DENND4C: variants seen among roughly 807,000 people sequenced by gnomAD.
DENND4C encodes DENN domain-containing protein 4C.
DENND4C carries 108 observed loss-of-function variants against 203.0 expected under a neutral mutation model. The observed-to-expected ratio is 0.53, with a 90% CI of 0.46 to 0.62. The LOEUF (loss-of-function observed/expected upper bound fraction) is 0.62. Among genes scored for constraint, DENND4C ranks in the 20% least tolerant of loss-of-function variants. The pLI is 0.00. For synonymous variants in DENND4C, 871 were observed against 792.4 expected, an observed-to-expected ratio of 1.10 and a Z score of -1.67; for missense variants, 2,481 against 2,301.2, an observed-to-expected ratio of 1.08 and a Z score of -1.60.
intron 9 of DENND4C, among the ~76,000 whole-genome samples, chr9:19,303,239 A>G (rs1274146270): frequency 2.6e-5 from 4 of 151,932 alleles, no homozygotes; most frequent in African/African-American, 9.7e-5. Context: ...AGCACTTTGG[A>G]TTTTGGATTT....
chr9:19,334,207 G>C (rs1469232602), intron 17 of DENND4C, among the ~76,000 whole-genome samples: 2 of 152,058 alleles, frequency 1.3e-5, no homozygotes, highest in African/African-American at 4.8e-5. Context: ...CACCACGCCT[G>C]GCTAATTTTT....
chr9:19,314,173 G>C (rs1841304761), intron 10 of DENND4C, among the ~76,000 whole-genome samples: 1 of 152,094 alleles, frequency 6.6e-6, no homozygotes, highest in Non-Finnish European at 1.5e-5. Flanking sequence ...CTACACATGA[G>C]GCCAGGCGCA....
chr9:19,296,772 T>C (rs1040044143), intron 6 of DENND4C, among the ~76,000 whole-genome samples: 2 of 152,232 alleles, frequency 1.3e-5, no homozygotes, highest in African/African-American at 2.4e-5. Flanking sequence ...ATAAATTATA[T>C]TGTGAGTGTT....
At chr9:19,237,261 C>T (rs534638721) in intron 1 of DENND4C, among the ~76,000 whole-genome samples, 10 of 152,236 alleles carry the variant, frequency 6.6e-5, no homozygotes, top group African/African-American at 2.4e-4. Context: ...TCAGGTGATC[C>T]GCCCACCTTG....
intron 30 of DENND4C, among the ~76,000 whole-genome samples, chr9:19,365,889 T>C (rs1312393151): frequency 2.6e-5 from 4 of 151,914 alleles, no homozygotes; most frequent in Admixed American, 2.6e-4. Flanking sequence ...AAACTTACAC[T>C]CCAAAAACTT....
chr9:19,365,412 G>A (rs995427958), intron 30 of DENND4C, among the ~76,000 whole-genome samples: 12 of 152,174 alleles, frequency 7.9e-5, no homozygotes, highest in African/African-American at 2.4e-4. Context: ...CTGGTAATGG[G>A]CATCTATGAA....
At chr9:19,280,506 T>C (rs1833837340) in intron 2 of DENND4C, among the ~76,000 whole-genome samples, 3 of 152,016 alleles carry the variant, frequency 2.0e-5, no homozygotes, top group Admixed American at 1.3e-4. Context: ...CACAGAGTAT[T>C]GGTTGCAGTG....
At chr9:19,307,393 CAAAAAAAAAA>C (rs753710246) in intron 10 of DENND4C, among the ~76,000 whole-genome samples, 3 of 58,424 alleles carry the variant, frequency 5.1e-5, no homozygotes, top group African/African-American at 1.8e-4. Context: ...GACTCTGTCT[CAAAAAAAAAA>C]AAAAAAAAAA....
chr9:19,279,910 T>C (rs979100892), intron 2 of DENND4C, among the ~76,000 whole-genome samples: 4 of 151,724 alleles, frequency 2.6e-5, no homozygotes, highest in Admixed American at 2.0e-4. Context: ...GGTGAAGATA[T>C]ATGAATTCAA....
chr9:19,296,259 A>C lies in DENND4C; in HGVS notation c.1040+13A>C. 6.6e-7 allele frequency: 1 copy of C among 1,525,092 alleles called. No individual in the cohort carries two copies. The highest frequency in any genetic ancestry group is 9.0e-7 in the Non-Finnish European group (1 of 1,110,718). 94.5% of individuals were successfully genotyped at this position (1,525,092 alleles called of 1,614,324 possible). On this transcript the variant is annotated intron_variant, in intron 6 of 32. Transcript: ENST00000434457. ...TTCCCATTGAAAAGTATGTATAATG[A>C]TTAGAAAGATGGCTGGTGGAAAACT...
chr9:19,348,144 G>T lies in DENND4C; in HGVS notation c.4317+1058G>T, dbSNP rs1370663719. ...TATATATGAATATATACAAACATAG[G>T]TATTTGTTTAATTTTCACAGCAACC... On this transcript the variant is annotated intron_variant, in intron 23 of 32. Coordinates refer to ENST00000434457, the MANE Select transcript of DENND4C (RefSeq NM_001330640.2). Among the ~76,000 whole-genome samples, 4 of 152,146 alleles carry T rather than the reference G, an allele frequency of 2.6e-5. 1 individual carries two copies. Among genetic ancestry groups the T allele is most frequent in the Non-Finnish European group, 5.9e-5 (4 of 68,020 alleles).
chr9:19,267,411 C>A (rs1049909781), intron 1 of DENND4C, among the ~76,000 whole-genome samples: 1 of 152,162 alleles, frequency 6.6e-6, no homozygotes, highest in African/African-American at 2.4e-5. Flanking sequence ...TTATCTGATA[C>A]AAGTATACCT....
At position 19,345,989 on chromosome 9, in the gene DENND4C, A is replaced by G; in HGVS notation, c.3220A>G (p.Asn1074Asp). The change falls in exon 23 of 33, where the codon AAT becomes GAT. Residue 1074 changes from asparagine to aspartate, a missense_variant. Coordinates refer to ENST00000434457, the MANE Select transcript of DENND4C (RefSeq NM_001330640.2). ...VEDAVFGEAT[N>D]LKKNGDRGEK... Reference sequence around the variant, plus strand: ...AGATGCAGTCTTTGGCGAAGCTACTAATCTCAAGAAGAATGGTGATAGAGG... The same window carrying G: ...AGATGCAGTCTTTGGCGAAGCTACTGATCTCAAGAAGAATGGTGATAGAGG... The G allele has an allele frequency of 6.2e-7, 1 of 1,614,118 alleles. No homozygotes were observed. Among genetic ancestry groups the G allele is most frequent in the Non-Finnish European group, 8.5e-7 (1 of 1,180,034 alleles).
chr9:19,285,971 T>G (rs760511109), intron 2 of DENND4C, among the ~76,000 whole-genome samples: 17 of 152,192 alleles, frequency 1.1e-4, no homozygotes, highest in Non-Finnish European at 2.5e-4. Flanking sequence ...TGTGGTAGTT[T>G]TGAAGTAGGG....
At position 19,372,990 on chromosome 9, in the gene DENND4C, ACG is replaced by A. The variant is rs1051268152; in HGVS notation, c.*818_*819del. ...ATTAAAATAGATTGCATGTTGCAATACGGTTTTCTGAAAGGGGTCTCATTGAC... is the reference window on the plus strand; with the variant it reads ...ATTAAAATAGATTGCATGTTGCAATAGTTTTCTGAAAGGGGTCTCATTGAC... On this transcript the variant is annotated 3_prime_UTR_variant, in exon 33 of 33. Coordinates refer to ENST00000434457, the MANE Select transcript of DENND4C (RefSeq NM_001330640.2). 3.9e-5 allele frequency: 6 copies of A among 152,158 alleles called. No individual in the cohort carries two copies. Among genetic ancestry groups the A allele is most frequent in the African/African-American group, 1.4e-4 (6 of 41,440 alleles). 9.4% of individuals were successfully genotyped at this position (152,158 alleles called of 1,614,324 possible).
intron 2 of DENND4C, among the ~76,000 whole-genome samples, chr9:19,278,397 G>A (rs1055398472): frequency 5.9e-5 from 9 of 152,056 alleles, no homozygotes; most frequent in African/African-American, 2.2e-4. Context: ...CCAAAGTGCT[G>A]GGGTTACAAG....
chr9:19,345,559 A>C (rs1174326468), intron 22 of DENND4C, among the ~76,000 whole-genome samples: 1 of 152,258 alleles, frequency 6.6e-6, no homozygotes, highest in Admixed American at 6.5e-5. Context: ...AGAGTAGATT[A>C]CTGGCAAGTA....
chr9:19,361,080 G>A (rs1826384650), intron 29 of DENND4C, among the ~76,000 whole-genome samples: 1 of 152,058 alleles, frequency 6.6e-6, no homozygotes, highest in South Asian at 2.1e-4. Context: ...TACCAGGCTG[G>A]TTTGAATTCC....
intron 1 of DENND4C, among the ~76,000 whole-genome samples, chr9:19,233,870 A>C (rs1402266165): frequency 6.6e-6 from 1 of 152,228 alleles, no homozygotes; most frequent in Admixed American, 6.5e-5. Flanking sequence ...GGTGTGAGCC[A>C]CCACACCCAG....
Sources: allele counts gnomAD v4.1 joint callset (sites outside exome capture counted in the v4.1 genomes callset), GRCh38; gene constraint gnomAD v4.1.1; transcripts MANE v1.5; gene names NCBI Gene and HGNC (gene_info 2026-07-23, HGNC 2026-07-21).